Variants in TRAF3IP1 observed in about 807,000 individuals in gnomAD.
The protein encoded by TRAF3IP1 is TRAF3-interacting protein 1.
TRAF3IP1 carries 53 observed loss-of-function variants against 89.9 expected under a neutral mutation model. That is an observed-to-expected ratio of 0.59 (90% CI 0.47 to 0.74). The LOEUF is 0.74. Ranked by LOEUF, TRAF3IP1 falls within the 30% of genes least tolerant of loss-of-function variation. The probability of loss-of-function intolerance (pLI) is 0.00; values close to 1 mark genes in which losing one functional copy is unlikely to be tolerated. For missense variants in TRAF3IP1, 806 were observed against 866.1 expected (o/e 0.93, Z 0.87); for synonymous variants, 311 against 322.1 (o/e 0.97, Z 0.37).
Position 238,353,113 on chromosome 2 carries a change from C to T in TRAF3IP1, c.1576-60C>T, listed in dbSNP as rs1699246592. On this transcript the variant is annotated intron_variant, in intron 13 of 16. Coordinates refer to ENST00000373327, the MANE Select transcript of TRAF3IP1 (RefSeq NM_015650.4). The stretch of plus-strand genomic sequence containing the variant: ...GTTCTTTTTTTGAGATCCACAGAAG[C>T]ATGATCTTTAAAATTCAACAAGCCT... 5 of 1,604,546 alleles carry T rather than the reference C, an allele frequency of 3.1e-6. No homozygotes were observed. In the South Asian group the frequency reaches 5.5e-5, roughly 18 times the overall value.
At chr2:238,327,753 C>T (rs969792369) in intron 3 of TRAF3IP1, among the ~76,000 whole-genome samples, 3 of 152,092 alleles carry the variant, frequency 2.0e-5, no homozygotes, top group African/African-American at 7.2e-5. Context: ...CTCCCGTACC[C>T]CAGCCCCTGG....
chr2:238,383,926 C>T (rs1700649688), intron 15 of TRAF3IP1, among the ~76,000 whole-genome samples: 1 of 152,202 alleles, frequency 6.6e-6, no homozygotes, highest in East Asian at 1.9e-4. Flanking sequence ...TGTCATCTTG[C>T]TCCTTGTTTC....
intron 14 of TRAF3IP1, among the ~76,000 whole-genome samples, chr2:238,354,519 C>T (rs184788765): frequency 5.3e-5 from 8 of 152,294 alleles, no homozygotes; most frequent in Admixed American, 2.0e-4. Context: ...CCAGCAGCAG[C>T]GGCTGTCCCC....
At chr2:238,354,655 A>C (rs1699325916) in intron 14 of TRAF3IP1, among the ~76,000 whole-genome samples, 1 of 151,786 alleles carries the variant, frequency 6.6e-6, no homozygotes, top group Admixed American at 6.6e-5. Flanking sequence ...ATTTTTATTT[A>C]TGTATTTATT....
At chr2:238,346,178 C>G (rs1198588592) in intron 9 of TRAF3IP1, among the ~76,000 whole-genome samples, 1 of 152,168 alleles carries the variant, frequency 6.6e-6, no homozygotes, top group Non-Finnish European at 1.5e-5. Context: ...GGCCGCACAG[C>G]CATGAGGAAA....
At chr2:238,383,055 C>G (rs1272953420) in intron 15 of TRAF3IP1, among the ~76,000 whole-genome samples, 4 of 152,180 alleles carry the variant, frequency 2.6e-5, no homozygotes, top group Middle Eastern at 6.3e-3. Context: ...ACACTGTCCT[C>G]CAGCCTGCAG....
rs190015778 is a variant in TRAF3IP1, at chr2:238,333,854, G to T, written c.988-106G>T. On this transcript the variant is annotated intron_variant, in intron 6 of 16. Coordinates refer to ENST00000373327, the MANE Select transcript of TRAF3IP1 (RefSeq NM_015650.4). Reference sequence around the variant, plus strand: ...TTTAAAGCATATGGGCACTATTGCTGGATTTCATACTTGTTCTTCCTCAAG... The same window carrying T: ...TTTAAAGCATATGGGCACTATTGCTTGATTTCATACTTGTTCTTCCTCAAG... 28 of 940,168 alleles carry T rather than the reference G, an allele frequency of 3.0e-5. No individual in the cohort carries two copies. The East Asian group carries it at 7.4e-4, about 25-fold the overall frequency. 58.2% of individuals were successfully genotyped at this position (940,168 alleles called of 1,614,324 possible).
intron 15 of TRAF3IP1, among the ~76,000 whole-genome samples, chr2:238,376,388 C>A (rs554881123): frequency 6.6e-6 from 1 of 152,208 alleles, no homozygotes; most frequent in African/African-American, 2.4e-5. Context: ...TACCACCCTG[C>A]TGTAATGACT....
In TRAF3IP1 at chr2:238,371,573, A is replaced by C. The variant is rs570736225; in HGVS notation, c.1689+15493A>C. 2.0e-5 allele frequency among the ~76,000 whole-genome samples: 3 copies of C among 152,372 alleles called. No individual in the cohort carries two copies. The South Asian group carries it at 6.2e-4, about 32-fold the overall frequency. ...AAAAGATTGTTCTTATATTCTTCCA[A>C]ACCTAAGCCTAAGGAAAGCCTGAGT... On this transcript the variant is annotated intron_variant, in intron 15 of 16. Coordinates refer to ENST00000373327, the MANE Select transcript of TRAF3IP1 (RefSeq NM_015650.4).
intron 16 of TRAF3IP1, 111 bp from the exon 17 acceptor site, chr2:238,398,643 T>C (rs1314929036): frequency 1.6e-6 from 2 of 1,235,232 alleles, no homozygotes; most frequent in Non-Finnish European, 2.2e-6. Context: ...ATTATCCTTT[T>C]CTTTGGATGA....
At position 238,367,186 on chromosome 2, in the gene TRAF3IP1, A is replaced by G. The variant is rs985584069; in HGVS notation, c.1689+11106A>G. 3.3e-5 allele frequency among the ~76,000 whole-genome samples: 5 copies of G among 150,228 alleles called. No homozygotes were observed. In the East Asian group the frequency reaches 6.1e-4, roughly 18 times the overall value. On this transcript the variant is annotated intron_variant, in intron 15 of 16. Transcript: ENST00000373327. ...CTCAAAAAAAAAAAAAAAAAAAAAA[A>G]AAAGAAAATTAGTGGATAAGGATTA...
At chr2:238,392,693 C>T (rs765152398) in intron 15 of TRAF3IP1, among the ~76,000 whole-genome samples, 24 of 152,218 alleles carry the variant, frequency 1.6e-4, no homozygotes, top group Non-Finnish European at 2.8e-4. Flanking sequence ...TCTTCTGCCT[C>T]AGCCTCCCGA....
chr2:238,325,899 AT>A lies in TRAF3IP1; in HGVS notation c.284del (p.Ile95ThrfsTer16). The stretch of plus-strand genomic sequence containing the variant: ...GCCACTGTTGGCCAAACCAGCCCGA[AT>A]CGTGGCGGGGCATGAGCCTGAAAGA... ...GEPLLAKPAR[I>X]VAGHEPERTN... On this transcript the variant is annotated frameshift_variant, in exon 3 of 17. Transcript: ENST00000373327. LOFTEE classifies it high-confidence loss of function. 6.2e-7 allele frequency: 1 copy of A among 1,614,244 alleles called. No homozygotes were observed. Among genetic ancestry groups the A allele is most frequent in the Non-Finnish European group, 8.5e-7 (1 of 1,180,032 alleles).
chr2:238,336,779 A>G (rs1226928736), intron 7 of TRAF3IP1, among the ~76,000 whole-genome samples: 1 of 152,188 alleles, frequency 6.6e-6, no homozygotes, highest in Non-Finnish European at 1.5e-5. Flanking sequence ...ACCAGTGAAA[A>G]TAGTCTTTCC....
At chr2:238,396,867 G>A (rs1432434206) in intron 15 of TRAF3IP1, among the ~76,000 whole-genome samples, 2 of 152,098 alleles carry the variant, frequency 1.3e-5, no homozygotes, top group Admixed American at 1.3e-4. Flanking sequence ...CTGACCATCT[G>A]CCTGCTGGGT....
chr2:238,374,430 A>C (rs573185704), intron 15 of TRAF3IP1, among the ~76,000 whole-genome samples: 18 of 152,154 alleles, frequency 1.2e-4, no homozygotes, highest in Non-Finnish European at 2.4e-4. Flanking sequence ...GATTACGTTT[A>C]TTGATTTGTG....
intron 15 of TRAF3IP1, among the ~76,000 whole-genome samples, chr2:238,375,719 A>G (rs1700285364): frequency 6.6e-6 from 1 of 152,114 alleles, no homozygotes; most frequent in Non-Finnish European, 1.5e-5. Flanking sequence ...GACATTTTTA[A>G]TTTTAATCAA....
chr2:238,372,069 G>A (rs1198337115), intron 15 of TRAF3IP1, among the ~76,000 whole-genome samples: 2 of 152,136 alleles, frequency 1.3e-5, no homozygotes, highest in Non-Finnish European at 2.9e-5. Context: ...AGGGTTGAGG[G>A]AGTCAAGGGA....
chr2:238,400,641 A>G lies in TRAF3IP1; in HGVS notation c.*1722A>G, dbSNP rs1205469625. 1.3e-5 allele frequency: 2 copies of G among 152,186 alleles called. No homozygotes were observed. The highest frequency in any genetic ancestry group is 2.9e-5 in the Non-Finnish European group (2 of 68,038). 9.4% of individuals were successfully genotyped at this position (152,186 alleles called of 1,614,324 possible). On this transcript the variant is annotated 3_prime_UTR_variant, in exon 17 of 17. Transcript: ENST00000373327. The stretch of plus-strand genomic sequence containing the variant: ...GGGAGTGGAGGGACATGAGTTAAGT[A>G]GCCCTTCATGTATTTATAATCTCTT...
Sources: allele counts gnomAD v4.1 joint callset (sites outside exome capture counted in the v4.1 genomes callset), GRCh38; gene constraint gnomAD v4.1.1; transcripts MANE v1.5; gene names NCBI Gene and HGNC (gene_info 2026-07-23, HGNC 2026-07-21).